The following ANTXR2 variants were observed in gnomAD, a reference collection of about 807,000 sequenced individuals.
The protein encoded by ANTXR2 is anthrax toxin receptor 2.
ANTXR2 carries 44 observed loss-of-function variants against 73.7 expected under a neutral mutation model. The observed-to-expected ratio is 0.60, with a 90% CI of 0.47 to 0.77. The LOEUF (loss-of-function observed/expected upper bound fraction) is 0.77, where lower values mean the gene tolerates loss of function less well. Among genes scored for constraint, ANTXR2 ranks in the 30% least tolerant of loss-of-function variants. The pLI, the probability that ANTXR2 is intolerant of heterozygous loss-of-function variation, is 0.00. For missense variants in ANTXR2, 604 were observed against 592.5 expected (o/e 1.02, Z -0.20); for synonymous variants, 217 against 205.9 (o/e 1.05, Z -0.46).
At chr4:80,047,028 A>G (rs556464015) in intron 7 of ANTXR2, among the ~76,000 whole-genome samples, 2 of 151,878 alleles carry the variant, frequency 1.3e-5, no homozygotes, top group Non-Finnish European at 1.5e-5. Context: ...CCTCTGTAGG[A>G]CACCTTTTAT....
At chr4:80,067,066 C>T (rs918394336) in intron 3 of ANTXR2, among the ~76,000 whole-genome samples, 1 of 152,018 alleles carries the variant, frequency 6.6e-6, no homozygotes, top group African/African-American at 2.4e-5. Flanking sequence ...ATTAGCCGGG[C>T]GTGGTGGTGG....
chr4:80,044,158 G>T (rs957337503), intron 7 of ANTXR2, among the ~76,000 whole-genome samples: 2 of 151,922 alleles, frequency 1.3e-5, no homozygotes, highest in Admixed American at 1.3e-4. Context: ...TGACGGTAAA[G>T]ACAAATTGCT....
intron 3 of ANTXR2, among the ~76,000 whole-genome samples, chr4:80,061,648 T>C (rs1734265656): frequency 6.6e-6 from 1 of 152,146 alleles, no homozygotes; most frequent in Non-Finnish European, 1.5e-5. Context: ...TTTATGACTA[T>C]ACAAAATTGC....
At chr4:80,054,930 C>T (rs1296519569) in intron 6 of ANTXR2, among the ~76,000 whole-genome samples, 2 of 151,220 alleles carry the variant, frequency 1.3e-5, no homozygotes, top group Admixed American at 6.6e-5. Flanking sequence ...ATTAGTTTAC[C>T]AAACCAAACA....
intron 13 of ANTXR2, among the ~76,000 whole-genome samples, chr4:79,984,319 A>C (rs1402925276): frequency 6.6e-6 from 1 of 152,218 alleles, no homozygotes; most frequent in Admixed American, 6.5e-5. Context: ...AACAGTCATT[A>C]AAGCATCAAT....
At chr4:80,014,184 T>C (rs1198268694) in intron 11 of ANTXR2, among the ~76,000 whole-genome samples, 1 of 152,084 alleles carries the variant, frequency 6.6e-6, no homozygotes, top group Non-Finnish European at 1.5e-5. Flanking sequence ...CCTTACCTAT[T>C]TCTTCTGCTT....
At chr4:80,060,937 G>GA (rs1734220833) in intron 3 of ANTXR2, among the ~76,000 whole-genome samples, 1 of 152,118 alleles carries the variant, frequency 6.6e-6, no homozygotes, top group Non-Finnish European at 1.5e-5. Flanking sequence ...TGAGCCACTG[G>GA]AATGGCTAGA....
chr4:80,017,447 A>C (rs141353496), intron 11 of ANTXR2, among the ~76,000 whole-genome samples: 59 of 152,108 alleles, frequency 3.9e-4, no homozygotes, highest in African/African-American at 1.3e-3. Context: ...ATCAATGATC[A>C]TTTTTCTGAA....
Position 80,036,548 on chromosome 4 carries a change from C to T in ANTXR2, c.637-516G>A, listed in dbSNP as rs942921571. ...GTGCACAGTGGCTCATGCCTATAAT[C>T]GCAGCCGTTTGGGAGGCCGAGGCAG... is the stretch of plus-strand genomic sequence containing the variant. On this transcript the variant is annotated intron_variant, in intron 7 of 16. Coordinates refer to ENST00000403729, the MANE Select transcript of ANTXR2 (RefSeq NM_058172.6). 1.3e-4 allele frequency among the ~76,000 whole-genome samples: 20 copies of T among 152,200 alleles called. No individual in the cohort carries two copies. In the East Asian group the frequency reaches 2.5e-3, roughly 19 times the overall value.
At chr4:79,973,069 A>G (rs1223255018) in intron 16 of ANTXR2, among the ~76,000 whole-genome samples, 11 of 152,212 alleles carry the variant, frequency 7.2e-5, no homozygotes, top group Admixed American at 7.2e-4. Context: ...TGCATTTAAG[A>G]AGAAACAAAG....
chr4:80,057,268 C>T (rs916320700), intron 3 of ANTXR2, among the ~76,000 whole-genome samples: 77 of 152,008 alleles, frequency 5.1e-4, no homozygotes, highest in African/African-American at 1.7e-3. Context: ...GGGCCATACA[C>T]AACATTTATA....
intron 16 of ANTXR2, among the ~76,000 whole-genome samples, chr4:79,951,184 G>A (rs1248206662): frequency 6.6e-6 from 1 of 152,072 alleles, no homozygotes. Context: ...TTGTTTGATG[G>A]GACACAGATT....
rs1292418668 is a variant in ANTXR2 at position 79,971,779 on chromosome 4, T to G, written c.1428+5842A>C. Among the ~76,000 whole-genome samples, 3 of 52,688 alleles carry G rather than the reference T, an allele frequency of 5.7e-5. 1 individual carries two copies. Among genetic ancestry groups the G allele is most frequent in the African/African-American group, 2.1e-4 (3 of 14,488 alleles). 34.6% of individuals were successfully genotyped at this position (52,688 alleles called of 152,430 possible). A position where few individuals can be genotyped will look rare whatever the true frequency, so the allele number is the denominator to read the frequency against. ...ATACAAAAATTAATTCAAGATGGAT[T>G]AAAGATTTAAACGTTAAACCTAAAA... On this transcript the variant is annotated intron_variant, in intron 16 of 16. Transcript: ENST00000403729.
rs1286865698 is a variant in ANTXR2, at chr4:79,906,059, A to G, written c.*1370T>C. The G allele has an allele frequency of 6.6e-6, 1 of 152,628 alleles. No homozygotes were observed. The highest frequency in any genetic ancestry group is 2.4e-5 in the African/African-American group (1 of 41,458). 9.5% of individuals were successfully genotyped at this position (152,628 alleles called of 1,614,324 possible). ...ATTTCGCATCTGAAGTACAGTATCG[A>G]AAGTGACTAGATCATTTGAGCTTTT... On this transcript the variant is annotated 3_prime_UTR_variant, in exon 17 of 17. Coordinates refer to ENST00000403729, the MANE Select transcript of ANTXR2 (RefSeq NM_058172.6).
chr4:79,936,470 C>A (rs879501527), intron 16 of ANTXR2, among the ~76,000 whole-genome samples: 6 of 149,776 alleles, frequency 4.0e-5, no homozygotes, highest in Non-Finnish European at 8.8e-5. Context: ...ACAACCAAAA[C>A]CTAAATGAAC....
intron 16 of ANTXR2, among the ~76,000 whole-genome samples, chr4:79,948,536 G>T (rs1007334057): frequency 1.3e-5 from 2 of 152,102 alleles, no homozygotes; most frequent in Admixed American, 6.6e-5. Flanking sequence ...TATGAATAGG[G>T]TTTTAAGCAA....
intron 16 of ANTXR2, among the ~76,000 whole-genome samples, chr4:79,915,945 C>G (rs1485673124): frequency 6.7e-6 from 1 of 150,060 alleles, no homozygotes; most frequent in Non-Finnish European, 1.5e-5. Context: ...AATATAAATT[C>G]CACATACTCT....
At chr4:80,009,322 G>A (rs189244483) in intron 11 of ANTXR2, among the ~76,000 whole-genome samples, 1 of 152,148 alleles carries the variant, frequency 6.6e-6, no homozygotes, top group Admixed American at 6.5e-5. Context: ...CTCATATTAA[G>A]TCACTTCATG....
At position 80,035,977 on chromosome 4, in the gene ANTXR2, A is replaced by T; in HGVS notation, c.692T>A (p.Val231Glu). 1 of 1,543,638 alleles carries T rather than the reference A, an allele frequency of 6.5e-7. No individual in the cohort carries two copies. The highest frequency in any genetic ancestry group is 2.0e-5 in the Admixed American group (1 of 50,104). The change falls in exon 8 of 17, where the codon GTG (valine) becomes GAG (glutamate). Residue 231 changes from valine (V) to glutamate (E), a missense_variant. Val to Glu is a moderately radical substitution (Grantham distance 121, BLOSUM62 -2). Coordinates refer to ENST00000403729, the MANE Select transcript of ANTXR2 (RefSeq NM_058172.6). ...ILELQPSSVC[V>E]GEEFQIVLSG... The stretch of plus-strand genomic sequence containing the variant: ...TTTAAATTCTAAACACTTACCCCCC[A>T]CACAGACACTTGAGGGCTGCAATTC...
Sources: gnomAD v4.1 joint callset for allele counts (sites outside exome capture counted in the v4.1 genomes callset) on GRCh38, gnomAD v4.1.1 for gene constraint, MANE v1.5 for transcripts, NCBI Gene and HGNC (gene_info 2026-07-23, HGNC 2026-07-21) for gene names.